The following AGRN variants were observed in gnomAD, a reference collection of about 807,000 sequenced individuals.
AGRN encodes agrin proteoglycan.
Under a neutral mutation model 211.0 loss-of-function variants are expected in AGRN, and 106 were observed. The ratio of observed to expected loss-of-function variants is 0.50; its 90% CI spans 0.43 to 0.59. The LOEUF is 0.59. Among genes scored for constraint, AGRN ranks in the 20% least tolerant of loss-of-function variants. AGRN has a pLI of 0.00. For missense variants in AGRN, 3,040 were observed against 2,982.6 expected (o/e 1.02, Z -0.45); for synonymous variants, 1,525 against 1,332.5 (o/e 1.14, Z -3.15).
intron 2 of AGRN, among the ~76,000 whole-genome samples, chr1:1,030,770 T>C (rs1644651915): frequency 2.6e-4 from 1 of 3,912 alleles, no homozygotes; most frequent in Admixed American, 7.1e-3. Flanking sequence ...GATCAGCATG[T>C]GTGTGTGTGT....
rs764702249 is a variant in AGRN, at chr1:1,043,436, G to A, written c.1582G>A (p.Val528Met). Residue 528 changes from valine to methionine, a missense_variant, in exon 8 of 36, where the codon GTG becomes ATG. By Grantham distance (21) the Val-to-Met change is conservative (BLOSUM62 1). Around this residue, in one of 3 missense-constraint regions of AGRN, gnomAD observed 1,498 missense variants for 1,457.8 expected, o/e 1.03. Coordinates refer to ENST00000379370, the MANE Select transcript of AGRN (RefSeq NM_198576.4). ...CTGTACCCTCGGGCGGGAGATCCAG[G>A]TGGCGCGCAAAGGACCCTGTGGTCA... ...TACTLGREIQ[V>M]ARKGPCDRCG... is the part of the protein sequence containing the mutation. The A allele has an allele frequency of 1.0e-5, 16 of 1,606,854 alleles. No homozygotes were observed. The South Asian group carries it at 1.7e-4, about 17-fold the overall frequency.
chr1:1,040,598 C>A (rs1167205002), intron 3 of AGRN, 67 bp from the exon 4 acceptor site: 6 of 1,526,452 alleles, frequency 3.9e-6, no homozygotes, highest in East Asian at 4.9e-5. Context: ...ACGGCAAGGT[C>A]TCTCAGGCTT....
intron 2 of AGRN, chr1:1,034,955 C>A: frequency 2.1e-6 from 1 of 477,002 alleles, no homozygotes; most frequent in Non-Finnish European, 3.8e-6. Context: ...CACTGAGAGC[C>A]GGCAGTTGGG....
rs1645153845 is a variant in AGRN, at chr1:1,048,095, C to T, written c.3835C>T (p.Leu1279=). 1.3e-6 allele frequency: 2 copies of T among 1,569,986 alleles called. No individual in the cohort carries two copies. Among genetic ancestry groups the T allele is most frequent in the Non-Finnish European group, 1.7e-6 (2 of 1,165,564 alleles). ...GGCCAGAGCCACCACTGCATCGCGC[C>T]TGCCGTCCTCTGCTGTGACCCCTCG... ...ATARATTASR[L]PSSAVTPRAP... Residue 1279 remains leucine (L), a synonymous_variant, in exon 23 of 36, where the codon CTG becomes TTG. Coordinates refer to ENST00000379370, the MANE Select transcript of AGRN (RefSeq NM_198576.4). The surrounding 1 kb of genome is among the most constrained non-coding windows in gnomAD (Gnocchi z 5.9).
At chr1:1,051,189 G>A in intron 30 of AGRN, 64 bp from the exon 31 acceptor site, 1 of 1,540,114 alleles carries the variant, frequency 6.5e-7, no homozygotes, top group Admixed American at 1.9e-5. Flanking sequence ...GCGTGCAGGT[G>A]CCTGGGCCCT....
chr1:1,029,052 T>C (rs1644587338), intron 2 of AGRN, among the ~76,000 whole-genome samples: 1 of 93,642 alleles, frequency 1.1e-5, no homozygotes, highest in Non-Finnish European at 2.3e-5. Context: ...CACGCCACCC[T>C]CTCCCAAGGA....
intron 2 of AGRN, among the ~76,000 whole-genome samples, chr1:1,023,108 C>T (rs1445096577): frequency 1.3e-5 from 2 of 152,150 alleles, no homozygotes; most frequent in Admixed American, 1.3e-4. Flanking sequence ...TAGGAGGTCC[C>T]TGTCGCCCCC....
At chr1:1,051,047 C>T (rs1645270699) in intron 30 of AGRN, 6 of 1,549,038 alleles carry the variant, frequency 3.9e-6, no homozygotes, top group Non-Finnish European at 5.2e-6. Context: ...CCGCAAGGTA[C>T]TGTCGGCCTC....
Position 1,041,555 on chromosome 1 carries a change from C to A in AGRN, c.1030C>A (p.Leu344Ile), listed in dbSNP as rs540832534. Reference protein sequence around the residue: ...NPRTRRPEMLLRPESCPARQA... With the variant: ...NPRTRRPEMLIRPESCPARQA... ...GCGCACGCGGCGCCCTGAGATGCTC[C>A]TACGGCCCGAGAGCTGCCCTGCCCG... Residue 344 changes from leucine (L) to isoleucine (I), a missense_variant, in exon 6 of 36, where the codon CTA becomes ATA. By Grantham distance (5) the Leu-to-Ile change is conservative. Transcript: ENST00000379370. 3 of 1,608,626 alleles carry A rather than the reference C, an allele frequency of 1.9e-6. No individual in the cohort carries two copies. Among genetic ancestry groups the A allele is most frequent in the African/African-American group, 1.3e-5 (1 of 75,008 alleles).
chr1:1,046,776 C>A (rs577034599), intron 18 of AGRN, 41 bp downstream of exon 18: 12 of 1,571,682 alleles, frequency 7.6e-6, no homozygotes, highest in Non-Finnish European at 1.0e-5. Flanking sequence ...GGGCAGGCGC[C>A]GAGAGGCTCC....
At chr1:1,052,596 AC>A (rs1227672844) in intron 33 of AGRN, 1 of 182,054 alleles carries the variant, frequency 5.5e-6, no homozygotes, top group Non-Finnish European at 1.1e-5. Flanking sequence ...GTGTGTGCGC[AC>A]ATGGGTCCAT....
intron 3 of AGRN, among the ~76,000 whole-genome samples, chr1:1,036,098 G>C (rs906192230): frequency 6.6e-6 from 1 of 152,190 alleles, no homozygotes; most frequent in Non-Finnish European, 1.5e-5. Flanking sequence ...CTTGCGTTCA[G>C]TTGTGTGTGC....
At chr1:1,052,270 A>G (rs1445669445) in intron 33 of AGRN, 3 of 358,990 alleles carry the variant, frequency 8.4e-6, no homozygotes, top group Middle Eastern at 1.0e-3. Flanking sequence ...ATATGCATGC[A>G]TGTCTGTGTC....
In AGRN at chr1:1,043,897, C is replaced by T. The variant is rs1487673393; in HGVS notation, c.1873C>T (p.His625Tyr). ...AGQCVCPRCE[H>Y]PPPGPVCGSD... ...GCAGTGTGTGTGTCCCCGGTGTGAG[C>T]ACCCCCCGCCCGGCCCCGTGTGTGG... is the stretch of plus-strand genomic sequence containing the variant. Residue 625 changes from histidine (H) to tyrosine (Y), a missense_variant, in exon 10 of 36, where the codon CAC (histidine) becomes TAC (tyrosine). Around this residue, in one of 3 missense-constraint regions of AGRN, gnomAD observed 1,498 missense variants for 1,457.8 expected, o/e 1.03. Transcript: ENST00000379370. 3.7e-6 allele frequency: 6 copies of T among 1,609,914 alleles called. No individual in the cohort carries two copies. The highest frequency in any genetic ancestry group is 1.6e-4 in the Middle Eastern group (1 of 6,078).
intron 33 of AGRN, chr1:1,053,506 C>A: frequency 1.3e-6 from 2 of 1,524,432 alleles, no homozygotes; most frequent in Middle Eastern, 1.7e-4. Flanking sequence ...GAGCACGTGG[C>A]AGCAGTGCCT....
At chr1:1,027,834 G>A (rs954994609) in intron 2 of AGRN, among the ~76,000 whole-genome samples, 2 of 152,126 alleles carry the variant, frequency 1.3e-5, no homozygotes, top group Non-Finnish European at 1.5e-5. Flanking sequence ...CTGCCCCGCC[G>A]TTTGGCAGCC....
rs1213685582 is a variant in AGRN at position 1,049,266 on chromosome 1, G to C, written c.4329G>C (p.Leu1443=). 1 of 1,594,208 alleles carries C rather than the reference G, an allele frequency of 6.3e-7. No homozygotes were observed. The highest frequency in any genetic ancestry group is 8.5e-7 in the Non-Finnish European group (1 of 1,177,240). Residue 1443 remains leucine (L), a synonymous_variant, in exon 25 of 36, where the codon CTG becomes CTC. Coordinates refer to ENST00000379370, the MANE Select transcript of AGRN (RefSeq NM_198576.4). ...ACACAGGTTCGGGGCCGGCGGTGCT[G>C]ACCAGTGCCGTGCCGGTAGAGCCGG... is the stretch of plus-strand genomic sequence containing the variant. ...RFDTGSGPAV[L]TSAVPVEPGQ...
At chr1:1,034,122 C>G in intron 2 of AGRN, 2 of 985,360 alleles carry the variant, frequency 2.0e-6, no homozygotes, top group South Asian at 9.4e-5. Context: ...CTCCTATCGC[C>G]GCTTCCGCCT....
chr1:1,051,846 T>C, intron 33 of AGRN, 31 bp downstream of exon 33: 1 of 1,612,672 alleles, frequency 6.2e-7, no homozygotes, highest in Non-Finnish European at 8.5e-7. Flanking sequence ...GGCTGTCGGT[T>C]CCATCTGTGC....
Sources: allele counts gnomAD v4.1 joint callset (sites outside exome capture counted in the v4.1 genomes callset), GRCh38; gene constraint gnomAD v4.1.1; regional missense constraint gnomAD v4.1.1; non-coding constraint Gnocchi (gnomAD v3.1); transcripts MANE v1.5; gene names NCBI Gene and HGNC (gene_info 2026-07-23, HGNC 2026-07-21).